The following METTL9 variants were observed in gnomAD, a reference collection of about 807,000 sequenced individuals.
METTL9 encodes the protein methyltransferase 9, His-X-His N1(pi)-histidine, also known as protein-L-histidine N-pros-methyltransferase.
METTL9 carries 10 observed loss-of-function variants against 36.0 expected under a neutral mutation model. The observed-to-expected ratio is 0.28, with a 90% CI of 0.17 to 0.47. The LOEUF is 0.47. Among genes scored for constraint, METTL9 ranks in the 20% least tolerant of loss-of-function variants. The pLI is 0.99. For synonymous variants in METTL9, 175 were observed against 149.7 expected (o/e 1.17, Z -1.23); for missense variants, 246 against 383.5 (o/e 0.64, Z 3.00).
At chr16:21,626,075 T>G (rs914275791) in intron 4 of METTL9, among the ~76,000 whole-genome samples, 1 of 152,104 alleles carries the variant, frequency 6.6e-6, no homozygotes, top group Non-Finnish European at 1.5e-5. Flanking sequence ...GGCTAATTTT[T>G]GTATTTTCAG....
intron 2 of METTL9, 151 bp downstream of exon 2, chr16:21,612,986 A>T: frequency 1.5e-6 from 1 of 663,006 alleles, no homozygotes; most frequent in Non-Finnish European, 2.4e-6. Context: ...CCAGCGTTCT[A>T]TCTTTCTGTG....
At chr16:21,643,924 TTG>T (rs748369726) in intron 4 of METTL9, among the ~76,000 whole-genome samples, 5 of 152,196 alleles carry the variant, frequency 3.3e-5, no homozygotes, top group Non-Finnish European at 7.3e-5. Flanking sequence ...CAACCCATTT[TTG>T]TTCTTAAAGA....
intron 4 of METTL9, among the ~76,000 whole-genome samples, chr16:21,626,237 G>A (rs901927962): frequency 2.0e-5 from 3 of 152,076 alleles, no homozygotes; most frequent in African/African-American, 4.8e-5. Context: ...TCACTGCCTC[G>A]ATTGACCTTG....
intron 3 of METTL9, among the ~76,000 whole-genome samples, chr16:21,622,166 A>G (rs536588871): frequency 9.4e-4 from 12 of 12,828 alleles, no homozygotes; most frequent in Non-Finnish European, 1.5e-3. Context: ...TTTTTTTGAG[A>G]CAGGATCTTG....
At chr16:21,603,265 C>T (rs1965185901) in intron 1 of METTL9, among the ~76,000 whole-genome samples, 1 of 151,898 alleles carries the variant, frequency 6.6e-6, no homozygotes, top group African/African-American at 2.4e-5. Flanking sequence ...TCAGCCTCTC[C>T]ATAGCTGGGA....
At chr16:21,652,710 T>A (rs1966610638) in intron 4 of METTL9, 1 of 740,270 alleles carries the variant, frequency 1.4e-6, no homozygotes, top group East Asian at 2.7e-5. Context: ...GGAACCATAA[T>A]CAGGAACTTT....
chr16:21,650,901 A>T (rs1966555743), intron 4 of METTL9, among the ~76,000 whole-genome samples: 4 of 152,160 alleles, frequency 2.6e-5, no homozygotes, highest in Admixed American at 2.6e-4. Flanking sequence ...CCATGGAGGG[A>T]ATAGAAAGAT....
chr16:21,647,097 G>A (rs1966447768), intron 4 of METTL9: 11 of 1,613,544 alleles, frequency 6.8e-6, no homozygotes, highest in Non-Finnish European at 9.3e-6. Flanking sequence ...TGAACAAGAT[G>A]CAATGATGCA....
chr16:21,630,000 G>T (rs1392503384), intron 4 of METTL9, among the ~76,000 whole-genome samples: 1 of 152,146 alleles, frequency 6.6e-6, no homozygotes, highest in African/African-American at 2.4e-5. Flanking sequence ...ACGCTGACTG[G>T]TGCGTTTACA....
rs956770501 is a variant in METTL9, at chr16:21,637,865, C to T, written c.751+12750C>T. Among the ~76,000 whole-genome samples the T allele has an allele frequency of 2.0e-5, 3 of 152,246 alleles. 1 individual carries two copies. Among genetic ancestry groups the T allele is most frequent in the Non-Finnish European group, 4.4e-5 (3 of 68,034 alleles). On this transcript the variant is annotated intron_variant, in intron 4 of 4. Coordinates refer to ENST00000358154, the MANE Select transcript of METTL9 (RefSeq NM_016025.5). The stretch of plus-strand genomic sequence containing the variant: ...GTGCGGTCAGAGCGGACACCGAGGC[C>T]GAGGAGGCGCTGAGAGCGAGCGAGG...
intron 4 of METTL9, chr16:21,640,365 T>C (rs1228744082): frequency 6.6e-6 from 1 of 152,066 alleles, no homozygotes; most frequent in African/African-American, 2.4e-5. Flanking sequence ...GGACAATTTA[T>C]ATCATGTTTT....
intron 4 of METTL9, among the ~76,000 whole-genome samples, chr16:21,628,592 C>T (rs955544665): frequency 6.6e-6 from 1 of 152,092 alleles, no homozygotes; most frequent in African/African-American, 2.4e-5. Flanking sequence ...CTCCTGGGCT[C>T]AAGCTATTCT....
intron 4 of METTL9, among the ~76,000 whole-genome samples, chr16:21,634,491 G>A (rs941999806): frequency 6.6e-6 from 1 of 152,110 alleles, no homozygotes; most frequent in Non-Finnish European, 1.5e-5. Flanking sequence ...AAGCCCTACC[G>A]GGTGATTGAC....
chr16:21,608,256 A>G (rs1893020116), intron 1 of METTL9, among the ~76,000 whole-genome samples: 1 of 152,140 alleles, frequency 6.6e-6, no homozygotes, highest in Admixed American at 6.5e-5. Context: ...TTGTTTGGAG[A>G]GAGGTGAAAC....
At chr16:21,621,560 C>T (rs1229395223) in intron 3 of METTL9, among the ~76,000 whole-genome samples, 3 of 151,938 alleles carry the variant, frequency 2.0e-5, no homozygotes, top group Admixed American at 6.5e-5. Flanking sequence ...CTCCTGAACT[C>T]AGGCAATCCG....
chr16:21,655,314 T>G lies in METTL9; in HGVS notation c.839T>G (p.Phe280Cys). Residue 280 changes from phenylalanine (F) to cysteine (C), a missense_variant, in exon 5 of 5, where the codon TTC becomes TGC. Phe to Cys is a radical substitution (Grantham distance 205). This residue lies in a region of METTL9 where 146 missense variants were observed against 302.1 expected (regional missense o/e 0.48). Coordinates refer to ENST00000358154, the MANE Select transcript of METTL9 (RefSeq NM_016025.5). ...CAAGTGAATAGTCTGCCTGAAGTTT[T>G]CAGAAAAGCTGGTTTTGTTATCGAA... ...EEQVNSLPEV[F>C]RKAGFVIEAF... 2 of 1,614,248 alleles carry G rather than the reference T, an allele frequency of 1.2e-6. No individual in the cohort carries two copies. The highest frequency in any genetic ancestry group is 1.7e-6 in the Non-Finnish European group (2 of 1,180,050).
intron 2 of METTL9, among the ~76,000 whole-genome samples, chr16:21,614,745 A>C (rs1965511571): frequency 6.6e-6 from 1 of 152,210 alleles, no homozygotes; most frequent in Non-Finnish European, 1.5e-5. Flanking sequence ...AAGTAAGGAA[A>C]GACTTAGTAG....
intron 1 of METTL9, among the ~76,000 whole-genome samples, chr16:21,607,777 G>A (rs1965325766): frequency 6.6e-6 from 1 of 152,198 alleles, no homozygotes; most frequent in Admixed American, 6.5e-5. Flanking sequence ...CTGTCAGTGT[G>A]TGAATTTAAC....
chr16:21,655,303 G>C lies in METTL9; in HGVS notation c.828G>C (p.Leu276=), dbSNP rs1206139714. 2 of 1,614,126 alleles carry C rather than the reference G, an allele frequency of 1.2e-6. No homozygotes were observed. Among genetic ancestry groups the C allele is most frequent in the Non-Finnish European group, 1.7e-6 (2 of 1,180,046 alleles). ...GQNWEEQVNS[L]PEVFRKAGFV... The stretch of plus-strand genomic sequence containing the variant: ...ACTGGGAAGAACAAGTGAATAGTCT[G>C]CCTGAAGTTTTCAGAAAAGCTGGTT... The change falls in exon 5 of 5, where the codon CTG becomes CTC. Residue 276 remains leucine, a synonymous_variant. Transcript: ENST00000358154.
Sources: allele counts gnomAD v4.1 joint callset (sites outside exome capture counted in the v4.1 genomes callset), GRCh38; gene constraint gnomAD v4.1.1; regional missense constraint gnomAD v4.1.1; transcripts MANE v1.5; gene names NCBI Gene and HGNC (gene_info 2026-07-23, HGNC 2026-07-21).